The following CRYBG1 variants were observed in gnomAD, a reference collection of about 807,000 sequenced individuals.
CRYBG1 encodes the protein crystallin beta-gamma domain containing 1.
A neutral mutation model predicts 189.2 loss-of-function variants in CRYBG1; 139 were observed. The ratio of observed to expected loss-of-function variants is 0.73; its 90% CI spans 0.64 to 0.85. The LOEUF (loss-of-function observed/expected upper bound fraction) is 0.85. Among genes scored for constraint, CRYBG1 ranks in the 40% least tolerant of loss-of-function variants. The pLI, the probability that CRYBG1 is intolerant of heterozygous loss-of-function variation, is 0.00. For synonymous variants in CRYBG1, 1,023 were observed against 1,017.1 expected, an observed-to-expected ratio of 1.01 and a Z score of -0.11; for missense variants, 2,611 against 2,675.8, an observed-to-expected ratio of 0.98 and a Z score of 0.53.
intron 3 of CRYBG1, among the ~76,000 whole-genome samples, chr6:106,518,607 A>G (rs1056923340): frequency 2.0e-5 from 3 of 152,118 alleles, no homozygotes; most frequent in African/African-American, 7.2e-5. Flanking sequence ...TGCAAGCAAA[A>G]CACCCATTAA....
intron 2 of CRYBG1, among the ~76,000 whole-genome samples, chr6:106,456,241 C>A (rs759943819): frequency 1.4e-4 from 22 of 152,122 alleles, no homozygotes; most frequent in Non-Finnish European, 3.1e-4. Flanking sequence ...GCAACCTCTG[C>A]CTCCCAGGTT....
chr6:106,468,096 C>G (rs1351236790), intron 2 of CRYBG1, among the ~76,000 whole-genome samples: 1 of 152,018 alleles, frequency 6.6e-6, no homozygotes, highest in Non-Finnish European at 1.5e-5. Flanking sequence ...AAATATGATA[C>G]TCACACCAGT....
intron 2 of CRYBG1, among the ~76,000 whole-genome samples, chr6:106,472,551 A>C (rs1431313311): frequency 6.6e-6 from 1 of 152,110 alleles, no homozygotes; most frequent in Admixed American, 6.5e-5. Flanking sequence ...TTATTATTAT[A>C]GAAAAAGCTT....
chr6:106,477,835 T>C (rs6925883), intron 2 of CRYBG1, among the ~76,000 whole-genome samples: 32,339 of 152,236 alleles, frequency 0.21, 4,582 homozygotes, highest in African/African-American at 0.38. Flanking sequence ...TCATCAGAAG[T>C]GGGTGTGAAG....
At chr6:106,436,946 C>T (rs536628661) in intron 1 of CRYBG1, among the ~76,000 whole-genome samples, 2 of 149,962 alleles carry the variant, frequency 1.3e-5, no homozygotes, top group African/African-American at 4.9e-5. Flanking sequence ...AACCATTGGA[C>T]ATTATCAATT....
At chr6:106,427,731 T>A (rs886416905) in intron 1 of CRYBG1, among the ~76,000 whole-genome samples, 4 of 152,186 alleles carry the variant, frequency 2.6e-5, no homozygotes, top group African/African-American at 9.6e-5. Context: ...AACCTAAATG[T>A]GATGGTGTTT....
At chr6:106,505,100 CTT>C (rs374942804) in intron 2 of CRYBG1, among the ~76,000 whole-genome samples, 17 of 140,990 alleles carry the variant, frequency 1.2e-4, no homozygotes, top group Admixed American at 2.1e-4. Flanking sequence ...ACCTGGCTAA[CTT>C]TTTTTTTTTT....
intron 8 of CRYBG1, among the ~76,000 whole-genome samples, chr6:106,533,562 A>G (rs1190612862): frequency 6.6e-6 from 1 of 152,178 alleles, no homozygotes; most frequent in Non-Finnish European, 1.5e-5. Context: ...ACAGCCAAGA[A>G]GAGATGGTGG....
At chr6:106,440,259 TCTCTCTCTC>T (rs1037329148) in intron 1 of CRYBG1, among the ~76,000 whole-genome samples, 121 of 123,940 alleles carry the variant, frequency 9.8e-4, no homozygotes, top group East Asian at 5.5e-4. Context: ...TCTCTCTCTC[TCTCTCTCTC>T]TTTTTTTTTC....
rs1177427640 is a variant in CRYBG1 at position 106,571,675 on chromosome 6, A to G, written c.*3109A>G. ...CACTGCACTCCAGCCTGGGTGACACAGCGAGACCCTGTCTCTAAAACAAAA... is the reference window on the plus strand; with the variant it reads ...CACTGCACTCCAGCCTGGGTGACACGGCGAGACCCTGTCTCTAAAACAAAA... On this transcript the variant is annotated 3_prime_UTR_variant, in exon 22 of 22. Coordinates refer to ENST00000633556, the MANE Select transcript of CRYBG1 (RefSeq NM_001371242.2). The G allele has an allele frequency of 3.1e-5, 8 of 262,084 alleles. No individual in the cohort carries two copies. The highest frequency in any genetic ancestry group is 2.4e-4 in the South Asian group (6 of 24,998). The allele number at this position is 262,084 out of a possible 1,614,324, so 16.2% of individuals were successfully genotyped here.
intron 17 of CRYBG1, 147 bp downstream of exon 17, chr6:106,556,044 A>G (rs1774537653): frequency 1.1e-6 from 1 of 903,620 alleles, no homozygotes; most frequent in Non-Finnish European, 1.7e-6. Flanking sequence ...GTGTACATCT[A>G]GTTTATTGAT....
chr6:106,360,941 C>T lies in CRYBG1; in HGVS notation c.33C>T (p.Pro11=), dbSNP rs1392920150. 4.6e-6 allele frequency: 7 copies of T among 1,534,810 alleles called. No individual in the cohort carries two copies. The Admixed American group carries it at 1.2e-4, about 26-fold the overall frequency. The change falls in exon 1 of 22, where the codon CCC becomes CCT. Residue 11 remains proline, a synonymous_variant. Transcript: ENST00000633556. The part of the protein sequence containing the change: MPLSPPAQGD[P]GEPSPCRPPK... ...TGTCCCCGCCAGCCCAGGGCGACCC[C>T]GGGGAGCCCAGCCCGTGCAGGCCCC...
intron 4 of CRYBG1, among the ~76,000 whole-genome samples, chr6:106,523,939 C>T (rs1773669816): frequency 6.6e-6 from 1 of 152,042 alleles, no homozygotes; most frequent in Admixed American, 6.5e-5. Context: ...GCCATGTTGG[C>T]CAGGCTGGTC....
chr6:106,415,657 C>T (rs1197979008), intron 1 of CRYBG1, among the ~76,000 whole-genome samples: 3 of 151,614 alleles, frequency 2.0e-5, no homozygotes, highest in East Asian at 1.9e-4. Flanking sequence ...ATCTGGGAGG[C>T]GGAGGTTGCA....
chr6:106,531,620 G>A (rs921953710), intron 8 of CRYBG1, among the ~76,000 whole-genome samples: 5 of 151,820 alleles, frequency 3.3e-5, no homozygotes, highest in African/African-American at 1.2e-4. Flanking sequence ...AGGAAAGTAT[G>A]AGTTAGGTAC....
Position 106,511,694 on chromosome 6 carries a change from G to C in CRYBG1, c.577G>C (p.Ala193Pro). The C allele has an allele frequency of 6.5e-7, 1 of 1,535,440 alleles. No individual in the cohort carries two copies. The highest frequency in any genetic ancestry group is 2.0e-5 in the Admixed American group (1 of 50,960). Residue 193 changes from alanine to proline, a missense_variant, in exon 3 of 22, where the codon GCA (alanine) becomes CCA (proline). Around this residue, in one of 3 missense-constraint regions of CRYBG1, gnomAD observed 985 missense variants for 924.4 expected, o/e 1.07. Transcript: ENST00000633556. ...EGSPRENPREAEGELPESGGP... is the reference protein window; with the variant it reads ...EGSPRENPREPEGELPESGGP... ...CTCCCCGCGGGAGAATCCCCGAGAG[G>C]CAGAGGGCGAGCTCCCCGAGAGCGG...
chr6:106,471,814 A>G (rs796588872), intron 2 of CRYBG1, among the ~76,000 whole-genome samples: 4 of 149,838 alleles, frequency 2.7e-5, no homozygotes, highest in Non-Finnish European at 5.9e-5. Flanking sequence ...AAAAAAAAAA[A>G]AAGAAGAAGA....
chr6:106,569,260 C>G lies in CRYBG1; in HGVS notation c.*694C>G, dbSNP rs1207367015. ...GAGTTATTATTTTTTGAGACAGGAT[C>G]TCAGGCTGGAGTGCAGTGGCACAAT... On this transcript the variant is annotated 3_prime_UTR_variant, in exon 22 of 22. Transcript: ENST00000633556. 1 of 152,188 alleles carries G rather than the reference C, an allele frequency of 6.6e-6. No individual in the cohort carries two copies. Among genetic ancestry groups the G allele is most frequent in the Non-Finnish European group, 1.5e-5 (1 of 68,034 alleles). The allele number at this position is 152,188 out of a possible 1,614,324, so 9.4% of individuals were successfully genotyped here.
chr6:106,566,649 T>C (rs9400028), intron 21 of CRYBG1, among the ~76,000 whole-genome samples: 151,773 of 151,866 alleles, frequency 1, 75,841 homozygotes, highest in East Asian at 1. Context: ...CTACAACAGT[T>C]TTAATTCCTT....
Sources: allele counts gnomAD v4.1 joint callset (sites outside exome capture counted in the v4.1 genomes callset), GRCh38; gene constraint gnomAD v4.1.1; regional missense constraint gnomAD v4.1.1; transcripts MANE v1.5; gene names NCBI Gene and HGNC (gene_info 2026-07-23, HGNC 2026-07-21).